The following SEC14L1 variants were observed in gnomAD, a reference collection of about 807,000 sequenced individuals.
SEC14L1 encodes SEC14 like lipid binding 1, also known as SEC14-like protein 1.
SEC14L1 carries 48 observed loss-of-function variants against 85.3 expected under a neutral mutation model. That is an observed-to-expected ratio of 0.56 (90% confidence interval 0.45 to 0.72). SEC14L1 has a LOEUF of 0.72. SEC14L1 is among the 30% of genes least tolerant of loss of function. The pLI, the probability that SEC14L1 is intolerant of heterozygous loss-of-function variation, is 0.00. For missense variants in SEC14L1, 682 were observed against 921.4 expected (o/e 0.74, Z 3.36); for synonymous variants, 391 against 355.5 (o/e 1.10, Z -1.12).
chr17:77,205,718 TGATAAGGGTGTA>T (rs1303755826), intron 11 of SEC14L1, among the ~76,000 whole-genome samples: 3 of 152,192 alleles, frequency 2.0e-5, no homozygotes, highest in Non-Finnish European at 1.5e-5. Context: ...AGGTTGACAT[TGATAAGGGTGTA>T]GATGGTTCAC....
chr17:77,125,588 C>A (rs552646838), intron 3 of SEC14L1, among the ~76,000 whole-genome samples: 1 of 152,230 alleles, frequency 6.6e-6, no homozygotes, highest in South Asian at 2.1e-4. Flanking sequence ...TGAGTCAAAC[C>A]AATTCAACTG....
At chr17:77,203,237 G>A (rs1976265786) in intron 9 of SEC14L1, among the ~76,000 whole-genome samples, 1 of 152,162 alleles carries the variant, frequency 6.6e-6, no homozygotes, top group African/African-American at 2.4e-5. Flanking sequence ...CCAGCTTATG[G>A]GCAGTTGTTC....
At chr17:77,207,098 A>G (rs1047062026) in intron 13 of SEC14L1, among the ~76,000 whole-genome samples, 1 of 152,268 alleles carries the variant, frequency 6.6e-6, no homozygotes, top group Non-Finnish European at 1.5e-5. Context: ...CGTAGAATCA[A>G]ATACGATTGC....
intron 3 of SEC14L1, among the ~76,000 whole-genome samples, chr17:77,131,637 T>C (rs975372365): frequency 6.6e-6 from 1 of 152,218 alleles, no homozygotes; most frequent in Admixed American, 6.5e-5. Context: ...AATAAATGTT[T>C]GTTGAATCCA....
chr17:77,178,724 TCTCA>T (rs1316367487), intron 3 of SEC14L1, among the ~76,000 whole-genome samples: 4 of 152,182 alleles, frequency 2.6e-5, no homozygotes, highest in East Asian at 1.9e-4. Flanking sequence ...ACAATAGGGC[TCTCA>T]CTCCTGTGAG....
At chr17:77,172,171 T>C (rs2143691414) in intron 3 of SEC14L1, among the ~76,000 whole-genome samples, 1 of 152,034 alleles carries the variant, frequency 6.6e-6, no homozygotes, top group East Asian at 1.9e-4. Context: ...AGCTCCTGAA[T>C]CAATGAAAAA....
intron 2 of SEC14L1, among the ~76,000 whole-genome samples, chr17:77,143,132 C>T (rs1465996718): frequency 6.6e-6 from 1 of 152,068 alleles, no homozygotes; most frequent in East Asian, 1.9e-4. Context: ...TTTTGTTTTC[C>T]CAGAGCTAAT....
chr17:77,205,839 G>T (rs1976436408), intron 11 of SEC14L1, among the ~76,000 whole-genome samples: 1 of 152,158 alleles, frequency 6.6e-6, no homozygotes. Flanking sequence ...CTCTGTTGAA[G>T]CATAGCCCAC....
At chr17:77,180,046 T>TTA (rs1216648845) in intron 3 of SEC14L1, among the ~76,000 whole-genome samples, 2 of 121,022 alleles carry the variant, frequency 1.7e-5, no homozygotes, top group African/African-American at 5.8e-5. Context: ...ATGTTTTGTT[T>TTA]TGTTATGTTA....
exon 2 of SEC14L1, chr17:77,089,180 C>T (rs1235688072): frequency 9.0e-6 from 3 of 333,440 alleles, no homozygotes; most frequent in Non-Finnish European, 1.8e-5. Flanking sequence ...GAAATATCCC[C>T]CGACGATTGG....
rs71280842 is a variant in SEC14L1, at chr17:77,123,414, C to CTTTTTTTT, written c.-135-19224_-135-19217dup. 2.4e-4 allele frequency among the ~76,000 whole-genome samples: 19 copies of CTTTTTTTT among 80,482 alleles called. 4 individuals are homozygous for CTTTTTTTT. Among genetic ancestry groups the CTTTTTTTT allele is most frequent in the African/African-American group, 7.9e-4 (13 of 16,500 alleles). 52.8% of individuals were successfully genotyped at this position (80,482 alleles called of 152,430 possible). Reference sequence around the variant, plus strand: ...CCCTGAAGTGGGTCCCAGGCCCACTCTTTTTTTTTTTTTTTGAGACAGAGC... The same window carrying CTTTTTTTT: ...CCCTGAAGTGGGTCCCAGGCCCACTCTTTTTTTTTTTTTTTTTTTTTTTGAGACAGAGC... On this transcript the variant is annotated intron_variant, in intron 3 of 19. Transcript: ENST00000392476.
intron 3 of SEC14L1, among the ~76,000 whole-genome samples, chr17:77,188,509 C>T (rs1034064125): frequency 1.6e-4 from 24 of 151,466 alleles, no homozygotes; most frequent in African/African-American, 5.3e-4. Flanking sequence ...AGTAGTGTTC[C>T]GTGGTGTGGC....
chr17:77,159,598 C>G (rs1290934823), intron 3 of SEC14L1, among the ~76,000 whole-genome samples: 1 of 151,914 alleles, frequency 6.6e-6, no homozygotes, highest in African/African-American at 2.4e-5. Context: ...CCACACTGGT[C>G]TCAAACTCCT....
At position 77,095,149 on chromosome 17, in the gene SEC14L1, G is replaced by A. The variant is rs140645288; in HGVS notation, c.-136+1802G>A. Among the ~76,000 whole-genome samples the A allele has an allele frequency of 4.4e-4, 67 of 152,280 alleles. No individual in the cohort carries two copies. In the East Asian group the frequency reaches 0.013, roughly 29 times the overall value. The stretch of plus-strand genomic sequence containing the variant: ...AGGAGTTGGTTCAATCTTGGTTTGG[G>A]AGTTTGATTGGAAGGATTAGATCCT... On this transcript the variant is annotated intron_variant, in intron 3 of 19. Coordinates refer to the SEC14L1 transcript ENST00000392476.
intron 3 of SEC14L1, among the ~76,000 whole-genome samples, chr17:77,155,804 C>T (rs1239733873): frequency 2.0e-5 from 3 of 152,158 alleles, no homozygotes; most frequent in South Asian, 4.1e-4. Flanking sequence ...GGTGCCATCT[C>T]GGCTCACTGC....
At chr17:77,148,874 G>A (rs1343992505) in intron 3 of SEC14L1, among the ~76,000 whole-genome samples, 25 of 152,236 alleles carry the variant, frequency 1.6e-4, no homozygotes. Context: ...AAGGCCATTT[G>A]TGGCTGTGTT....
intron 14 of SEC14L1, 48 bp from the exon 15 acceptor site, chr17:77,211,902 G>A (rs772551192): frequency 5.6e-6 from 9 of 1,601,532 alleles, no homozygotes; most frequent in African/African-American, 2.7e-5. Context: ...GCAGCATGCC[G>A]GCCTGGTGCT....
intron 3 of SEC14L1, among the ~76,000 whole-genome samples, chr17:77,169,876 T>C (rs1051450689): frequency 6.6e-6 from 1 of 152,190 alleles, no homozygotes; most frequent in Non-Finnish European, 1.5e-5. Flanking sequence ...GAGGGGGTTG[T>C]ACCTTTGGTA....
rs552753527 is a variant in SEC14L1 at position 77,134,401 on chromosome 17, C to T, written c.-135-8245C>T. Among the ~76,000 whole-genome samples, 73 of 152,132 alleles carry T rather than the reference C, an allele frequency of 4.8e-4. 1 individual carries two copies. Among genetic ancestry groups the T allele is most frequent in the Non-Finnish European group, 9.0e-4 (61 of 68,018 alleles). On this transcript the variant is annotated intron_variant, in intron 3 of 19. Transcript: ENST00000392476. ...AGTAGCTGGAACTATAGATGCGAGCCACCATGACCAGCTAAATTTTAAATT... is the reference window on the plus strand; with the variant it reads ...AGTAGCTGGAACTATAGATGCGAGCTACCATGACCAGCTAAATTTTAAATT...
Sources: gnomAD v4.1 joint callset for allele counts (sites outside exome capture counted in the v4.1 genomes callset) on GRCh38, gnomAD v4.1.1 for gene constraint, MANE v1.5 for transcripts, NCBI Gene and HGNC (gene_info 2026-07-23, HGNC 2026-07-21) for gene names.